MTMR7: variants seen among roughly 807,000 people sequenced by gnomAD.
The protein encoded by MTMR7 is phosphatidylinositol-3-phosphate phosphatase MTMR7.
A neutral mutation model predicts 81.2 loss-of-function variants in MTMR7; 76 were observed. That is an observed-to-expected ratio of 0.94 (90% CI 0.78 to 1.13). The LOEUF (loss-of-function observed/expected upper bound fraction) is 1.13, where lower values mean the gene tolerates loss of function less well. MTMR7 is among the 50% of genes most tolerant of loss of function. The probability of loss-of-function intolerance (pLI) is 0.00; values close to 1 mark genes in which losing one functional copy is unlikely to be tolerated. For synonymous variants in MTMR7, 372 were observed against 289.8 expected, an observed-to-expected ratio of 1.28 and a Z score of -2.88; for missense variants, 1,044 against 820.0, an observed-to-expected ratio of 1.27 and a Z score of -3.34.
chr8:17,301,427 G>C (rs571548481), intron 13 of MTMR7, among the ~76,000 whole-genome samples: 3 of 152,276 alleles, frequency 2.0e-5, no homozygotes, highest in African/African-American at 7.2e-5. Flanking sequence ...GGGACAGTGA[G>C]AGGACAAACA....
intron 1 of MTMR7, among the ~76,000 whole-genome samples, chr8:17,381,583 T>C (rs947389124): frequency 2.6e-5 from 4 of 152,288 alleles, no homozygotes; most frequent in South Asian, 2.1e-4. Flanking sequence ...GTGCCAGTCA[T>C]TGAAAAGGAC....
chr8:17,365,175 G>A lies in MTMR7; in HGVS notation c.311-3901C>T, dbSNP rs1310164916. On this transcript the variant is annotated intron_variant, in intron 3 of 13. Coordinates refer to ENST00000180173, the MANE Select transcript of MTMR7 (RefSeq NM_004686.5). ...CATCTCCCTAATGATTATTGAGGTT[G>A]AGCGTTTGTTCATGTATCTGTTAGC... Among the ~76,000 whole-genome samples, 8 of 152,176 alleles carry A rather than the reference G, an allele frequency of 5.3e-5. No homozygotes were observed. In the East Asian group the frequency reaches 1.5e-3, roughly 29 times the overall value.
intron 13 of MTMR7, 26 bp from the exon 14 acceptor site, chr8:17,300,250 G>A (rs1460646775): frequency 2.5e-6 from 4 of 1,578,820 alleles, no homozygotes; most frequent in Non-Finnish European, 3.4e-6. Context: ...CAATTTCAGG[G>A]GAAAAATCAT....
intron 8 of MTMR7, among the ~76,000 whole-genome samples, chr8:17,312,401 C>G (rs1168662480): frequency 6.6e-6 from 1 of 151,896 alleles, no homozygotes; most frequent in Admixed American, 6.6e-5. Flanking sequence ...ATGGTGAAAC[C>G]CCGTCTCTAC....
intron 1 of MTMR7, among the ~76,000 whole-genome samples, chr8:17,408,417 A>AAAAAAAAAAAC (rs1821653356): frequency 2.0e-5 from 3 of 151,336 alleles, no homozygotes; most frequent in Non-Finnish European, 4.4e-5. Flanking sequence ...AAAAAAAAAA[A>AAAAAAAAAAAC]AGAACATCAT....
Position 17,304,429 on chromosome 8 carries a change from C to G in MTMR7, c.1443G>C (p.Gln481His), listed in dbSNP as rs1362320632. 6.2e-7 allele frequency: 1 copy of G among 1,614,038 alleles called. No individual in the cohort carries two copies. The highest frequency in any genetic ancestry group is 8.5e-7 in the Non-Finnish European group (1 of 1,179,930). ...LNPLFRADHS[Q>H]TQGTLHLPTT... ...TAGGGAGATGAAGGGTTCCCTGAGT[C>G]TGGCTGTGATCAGCTCTAAACAGAG... Residue 481 changes from glutamine (Q) to histidine (H), a missense_variant, in exon 12 of 14, where the codon CAG (glutamine) becomes CAC (histidine). Gln to His is a conservative substitution (Grantham distance 24, BLOSUM62 0). Coordinates refer to ENST00000180173, the MANE Select transcript of MTMR7 (RefSeq NM_004686.5).
rs570838260 is a variant in MTMR7 at position 17,406,922 on chromosome 8, CAG to C, written c.24+6345_24+6346del. On this transcript the variant is annotated intron_variant, in intron 1 of 13. Transcript: ENST00000180173. ...CCAGAAAAACAAACATATATAGAGA[CAG>C]AATGTATATTTAGTGGTTACCTTGG... 7.2e-5 allele frequency among the ~76,000 whole-genome samples: 11 copies of C among 152,086 alleles called. 1 individual carries two copies. The South Asian group carries it at 2.1e-3, about 29-fold the overall frequency.
At chr8:17,338,207 T>C (rs966216135) in intron 6 of MTMR7, among the ~76,000 whole-genome samples, 2 of 152,242 alleles carry the variant, frequency 1.3e-5, no homozygotes, top group African/African-American at 2.4e-5. Flanking sequence ...TTTTCTTTAA[T>C]GGATCAGTGT....
chr8:17,347,364 A>T (rs1352323317), intron 5 of MTMR7, among the ~76,000 whole-genome samples: 1 of 152,160 alleles, frequency 6.6e-6, no homozygotes, highest in Non-Finnish European at 1.5e-5. Context: ...CAATTCACAG[A>T]ACTTTCACCA....
At chr8:17,380,157 G>T (rs910150540) in intron 1 of MTMR7, among the ~76,000 whole-genome samples, 43 of 152,074 alleles carry the variant, frequency 2.8e-4, no homozygotes, top group African/African-American at 9.7e-4. Context: ...GGAAAGCTTT[G>T]GACTTCTGAA....
chr8:17,367,337 A>G (rs1820258193), intron 3 of MTMR7, among the ~76,000 whole-genome samples: 1 of 152,200 alleles, frequency 6.6e-6, no homozygotes, highest in African/African-American at 2.4e-5. Flanking sequence ...TGATACAAAA[A>G]TAAACAGCAG....
chr8:17,339,919 A>G (rs1035300725), intron 6 of MTMR7, among the ~76,000 whole-genome samples: 1 of 152,242 alleles, frequency 6.6e-6, no homozygotes, highest in Middle Eastern at 3.2e-3. Context: ...AGGAAAAACC[A>G]CTGTAAACAG....
intron 7 of MTMR7, among the ~76,000 whole-genome samples, chr8:17,323,724 T>G (rs1052342131): frequency 7.2e-5 from 11 of 152,284 alleles, no homozygotes; most frequent in African/African-American, 2.6e-4. Flanking sequence ...ACTTTGAGAC[T>G]GTATTGTCAC....
intron 1 of MTMR7, among the ~76,000 whole-genome samples, chr8:17,401,451 G>A (rs186302420): frequency 1.9e-3 from 296 of 151,998 alleles, no homozygotes; most frequent in Non-Finnish European, 3.3e-3. Context: ...GAGGGAGAAG[G>A]GGCAGATAAG....
intron 1 of MTMR7, 92 bp from the exon 2 acceptor site, chr8:17,373,332 A>G: frequency 2.1e-6 from 3 of 1,423,212 alleles, no homozygotes; most frequent in South Asian, 3.0e-5. Context: ...CACTTACTCC[A>G]AAATACAATT....
intron 5 of MTMR7, among the ~76,000 whole-genome samples, chr8:17,343,048 G>A (rs970560362): frequency 1.3e-5 from 2 of 152,142 alleles, no homozygotes; most frequent in Admixed American, 1.3e-4. Flanking sequence ...TAAGGGGTCA[G>A]GGTCTGCCAC....
chr8:17,400,571 C>T (rs186510198), intron 1 of MTMR7, among the ~76,000 whole-genome samples: 5 of 152,260 alleles, frequency 3.3e-5, no homozygotes, highest in East Asian at 1.9e-4. Flanking sequence ...CATTATCAAG[C>T]GTTACCCTTG....
intron 2 of MTMR7, among the ~76,000 whole-genome samples, chr8:17,371,563 G>A (rs779915706): frequency 5.9e-5 from 9 of 152,126 alleles, no homozygotes; most frequent in Non-Finnish European, 1.2e-4. Flanking sequence ...AACTTCTGCA[G>A]TCAACACAAG....
chr8:17,356,419 G>T (rs1290407824), intron 4 of MTMR7, among the ~76,000 whole-genome samples: 4 of 152,018 alleles, frequency 2.6e-5, no homozygotes, highest in African/African-American at 9.7e-5. Flanking sequence ...TAACCTTGGG[G>T]TCCAGGCATG....
Sources: gnomAD v4.1 joint callset for allele counts (sites outside exome capture counted in the v4.1 genomes callset) on GRCh38, gnomAD v4.1.1 for gene constraint, MANE v1.5 for transcripts, NCBI Gene and HGNC (gene_info 2026-07-23, HGNC 2026-07-21) for gene names.